The following SEPTIN11 variants were observed in gnomAD, a reference collection of about 807,000 sequenced individuals.
SEPTIN11 encodes the protein septin 11.
In SEPTIN11, 25 loss-of-function variants were observed where a neutral mutation model predicts 51.4. That is an observed-to-expected ratio of 0.49 (90% confidence interval 0.35 to 0.68). SEPTIN11 has a LOEUF of 0.68. Among genes scored for constraint, SEPTIN11 ranks in the 30% least tolerant of loss-of-function variants. The pLI is 0.00. For missense variants in SEPTIN11, 381 were observed against 520.8 expected (o/e 0.73, Z 2.61); for synonymous variants, 174 against 184.1 (o/e 0.95, Z 0.44).
intron 6 of SEPTIN11, 54 bp from the exon 7 acceptor site, chr4:77,020,448 T>C: frequency 6.3e-7 from 1 of 1,576,622 alleles, no homozygotes; most frequent in Non-Finnish European, 8.7e-7. Context: ...ACTGCAGATA[T>C]TTCAGTGACA....
At position 76,953,603 on chromosome 4, in the gene SEPTIN11, T is replaced by C. The variant is rs144974396; in HGVS notation, c.27+3673T>C. 2.1e-3 allele frequency among the ~76,000 whole-genome samples: 320 copies of C among 152,168 alleles called. 1 individual carries two copies. The highest frequency in any genetic ancestry group is 7.2e-3 in the African/African-American group (299 of 41,522). ...GAAACATGAATGGAGCCAAGAAAGGTCCAGGGGAGGGCCACCTAAACAATA... is the reference window on the plus strand; with the variant it reads ...GAAACATGAATGGAGCCAAGAAAGGCCCAGGGGAGGGCCACCTAAACAATA... On this transcript the variant is annotated intron_variant, in intron 1 of 9. Transcript: ENST00000264893.
chr4:76,995,765 A>G lies in SEPTIN11; in HGVS notation c.28-660A>G, dbSNP rs1723670080. On this transcript the variant is annotated intron_variant, in intron 1 of 9. Transcript: ENST00000264893. ...CCTATGTGATTTTAAAATGTATGAT[A>G]ACTACCTTACCCTAGTCTACATCGG... The G allele has an allele frequency of 4.1e-6, 6 of 1,470,120 alleles. No homozygotes were observed. The South Asian group carries it at 8.3e-5, about 20-fold the overall frequency. 91.1% of individuals were successfully genotyped at this position (1,470,120 alleles called of 1,614,324 possible).
downstream of SEPTIN11, chr4:77,038,671 C>T: frequency 3.7e-5 from 38 of 1,019,088 alleles, no homozygotes; most frequent in Non-Finnish European, 4.5e-5. Flanking sequence ...TGCATATGTA[C>T]ACGTGCTTAC....
At chr4:77,034,053 T>G (rs1043614927) in intron 9 of SEPTIN11, among the ~76,000 whole-genome samples, 2 of 152,220 alleles carry the variant, frequency 1.3e-5, no homozygotes, top group African/African-American at 4.8e-5. Flanking sequence ...CTTTAGACCT[T>G]TTCTTCAAGT....
chr4:76,975,361 T>C (rs1257867986), intron 1 of SEPTIN11, among the ~76,000 whole-genome samples: 1 of 152,176 alleles, frequency 6.6e-6, no homozygotes, highest in African/African-American at 2.4e-5. Context: ...TCTACAAACA[T>C]GAAGTACTTC....
rs556714790 is a variant in SEPTIN11 at position 76,991,162 on chromosome 4, T to G, written c.28-5263T>G. On this transcript the variant is annotated intron_variant, in intron 1 of 9. Coordinates refer to ENST00000264893, the MANE Select transcript of SEPTIN11 (RefSeq NM_018243.4). ...ATGATAGTTGCCTCTTCCTCCCAAC[T>G]ACTGTAGGTAAAGGAAGTCCAAGTT... 2.0e-5 allele frequency among the ~76,000 whole-genome samples: 3 copies of G among 152,356 alleles called. No individual in the cohort carries two copies. The East Asian group carries it at 5.8e-4, about 29-fold the overall frequency.
chr4:76,978,414 A>G (rs569073778), intron 1 of SEPTIN11, among the ~76,000 whole-genome samples: 23 of 152,128 alleles, frequency 1.5e-4, no homozygotes, highest in Non-Finnish European at 2.8e-4. Context: ...TGGGTGGGCC[A>G]CGCATGTCCC....
chr4:77,035,834 C>T lies in SEPTIN11; in HGVS notation c.*1322C>T, dbSNP rs111229663. The T allele has an allele frequency of 7.4e-4, 733 of 985,842 alleles. 3 individuals are homozygous for T. In the African/African-American group the frequency reaches 0.012, roughly 16 times the overall value. 61.1% of individuals were successfully genotyped at this position (985,842 alleles called of 1,614,324 possible). The stretch of plus-strand genomic sequence containing the variant: ...TATTTAATCTCTTTTCTATACTGCT[C>T]CTTTCTGATGCTTATCCTTTCATCT... On this transcript the variant is annotated 3_prime_UTR_variant, in exon 10 of 10. Transcript: ENST00000264893.
intron 7 of SEPTIN11, among the ~76,000 whole-genome samples, chr4:77,022,485 C>T (rs552963368): frequency 3.9e-5 from 6 of 152,186 alleles, no homozygotes; most frequent in Admixed American, 2.0e-4. Context: ...GCAGGCCAAA[C>T]GGTCTCTGTC....
chr4:76,985,006 T>C (rs1340379939), intron 1 of SEPTIN11: 2 of 152,246 alleles, frequency 1.3e-5, no homozygotes, highest in South Asian at 2.1e-4. Context: ...TAAATACTTC[T>C]TGCCTATTTG....
intron 3 of SEPTIN11, among the ~76,000 whole-genome samples, chr4:77,008,688 GT>G (rs1165878908): frequency 2.6e-5 from 4 of 152,046 alleles, no homozygotes; most frequent in African/African-American, 4.8e-5. Flanking sequence ...TTGTGTGTGT[GT>G]ATGTTTTATG....
intron 6 of SEPTIN11, among the ~76,000 whole-genome samples, chr4:77,019,921 G>A (rs1725577385): frequency 6.6e-6 from 1 of 152,196 alleles, no homozygotes; most frequent in South Asian, 2.1e-4. Flanking sequence ...AAAGCTGTGA[G>A]AAGAAACAGT....
chr4:76,974,891 G>A (rs1722415821), intron 1 of SEPTIN11: 1 of 455,782 alleles, frequency 2.2e-6, no homozygotes, highest in Non-Finnish European at 4.4e-6. Context: ...GGGAGGCCGA[G>A]GCAGGCAGAT....
intron 1 of SEPTIN11, among the ~76,000 whole-genome samples, chr4:76,961,164 T>G (rs748646465): frequency 2.0e-5 from 3 of 152,208 alleles, no homozygotes; most frequent in Non-Finnish European, 4.4e-5. Flanking sequence ...GAACTTGGCT[T>G]AGCATTCAGA....
intron 5 of SEPTIN11, among the ~76,000 whole-genome samples, chr4:77,018,333 C>G (rs192042726): frequency 6.6e-6 from 1 of 151,946 alleles, no homozygotes; most frequent in Non-Finnish European, 1.5e-5. Context: ...CCTGTAGTCC[C>G]AGCTATTTGG....
chr4:76,969,684 T>G (rs1366810809), intron 1 of SEPTIN11, among the ~76,000 whole-genome samples: 1 of 152,140 alleles, frequency 6.6e-6, no homozygotes, highest in African/African-American at 2.4e-5. Flanking sequence ...TTCATAAAGA[T>G]TAGAGTGTAT....
downstream of SEPTIN11, chr4:77,038,748 G>A: frequency 1.5e-6 from 1 of 683,022 alleles, no homozygotes; most frequent in Non-Finnish European, 1.9e-6. Context: ...TCAAATGGCT[G>A]CCGTCTGGGT....
At chr4:77,013,157 C>CGG in intron 4 of SEPTIN11, among the ~76,000 whole-genome samples, 1 of 152,126 alleles carries the variant, frequency 6.6e-6, no homozygotes, top group Admixed American at 6.5e-5. Flanking sequence ...CGGATAATAT[C>CGG]CAACACTATT....
intron 2 of SEPTIN11, among the ~76,000 whole-genome samples, chr4:77,002,271 A>G (rs1724169403): frequency 6.6e-6 from 1 of 152,224 alleles, no homozygotes; most frequent in African/African-American, 2.4e-5. Flanking sequence ...TAAAATTACC[A>G]TGCCTTTAAA....
Sources: allele counts gnomAD v4.1 joint callset (sites outside exome capture counted in the v4.1 genomes callset), GRCh38; gene constraint gnomAD v4.1.1; transcripts MANE v1.5; gene names NCBI Gene and HGNC (gene_info 2026-07-23, HGNC 2026-07-21).